Variants in MAST4 observed in about 807,000 individuals in gnomAD.
MAST4 encodes the protein microtubule-associated serine/threonine-protein kinase 4.
Under a neutral mutation model 162.7 loss-of-function variants are expected in MAST4, and 89 were observed. The ratio of observed to expected loss-of-function variants is 0.55; its 90% CI spans 0.46 to 0.65. The LOEUF (loss-of-function observed/expected upper bound fraction) is 0.65. MAST4 is among the 30% of genes least tolerant of loss of function. The pLI is 0.00. For missense variants in MAST4, 3,153 were observed against 3,374.0 expected (o/e 0.93, Z 1.62); for synonymous variants, 1,479 against 1,361.1 (o/e 1.09, Z -1.91).
In MAST4 at chr5:66,826,609, C is replaced by A. The variant is rs192841874; in HGVS notation, c.642+37815C>A. Among the ~76,000 whole-genome samples, 5 of 152,212 alleles carry A rather than the reference C, an allele frequency of 3.3e-5. No homozygotes were observed. The East Asian group carries it at 5.8e-4, about 18-fold the overall frequency. ...AACTGGTTTGTCCTCCCACCACCCC[C>A]CCCAATCCCCCGTCTCTTTCTCTGT... On this transcript the variant is annotated intron_variant, in intron 3 of 28. Transcript: ENST00000403625.
intron 26 of MAST4, among the ~76,000 whole-genome samples, chr5:67,156,624 G>T (rs1049334706): frequency 3.3e-5 from 5 of 152,206 alleles, no homozygotes; most frequent in East Asian, 1.9e-4. Context: ...TAGGCCAAAT[G>T]ATGAGGTGTG....
chr5:66,782,276 C>T (rs543849259), intron 2 of MAST4, among the ~76,000 whole-genome samples: 10 of 140,952 alleles, frequency 7.1e-5, no homozygotes, highest in East Asian at 2.0e-4. Context: ...GGGACAAGAG[C>T]GAGACTTCGT....
intron 3 of MAST4, among the ~76,000 whole-genome samples, chr5:66,850,128 T>C (rs1759197153): frequency 6.6e-6 from 1 of 152,192 alleles, no homozygotes; most frequent in Non-Finnish European, 1.5e-5. Flanking sequence ...AGAGTTCAAG[T>C]TTAGAGCTTT....
intron 1 of MAST4, among the ~76,000 whole-genome samples, chr5:66,710,016 A>G (rs1027800183): frequency 6.6e-6 from 1 of 152,202 alleles, no homozygotes; most frequent in Admixed American, 6.5e-5. Context: ...TCACAGTAAA[A>G]GGAGAGAGAA....
intron 4 of MAST4, among the ~76,000 whole-genome samples, chr5:66,949,091 G>A (rs1744372926): frequency 6.6e-6 from 1 of 152,076 alleles, no homozygotes; most frequent in African/African-American, 2.4e-5. Context: ...TTAAATTAAT[G>A]AATACATTAC....
At chr5:66,955,895 G>A (rs1182508479) in intron 4 of MAST4, among the ~76,000 whole-genome samples, 1 of 151,460 alleles carries the variant, frequency 6.6e-6, no homozygotes, top group Non-Finnish European at 1.5e-5. Context: ...GTGTGTGTTT[G>A]TTTATAGTTT....
intron 2 of MAST4, among the ~76,000 whole-genome samples, chr5:66,778,008 G>A (rs976372070): frequency 6.6e-6 from 1 of 152,138 alleles, no homozygotes; most frequent in African/African-American, 2.4e-5. Context: ...TTATATTTCA[G>A]TATGCGAATT....
intron 4 of MAST4, among the ~76,000 whole-genome samples, chr5:66,989,288 A>C (rs1178309230): frequency 1.3e-5 from 2 of 152,178 alleles, no homozygotes; most frequent in Admixed American, 1.3e-4. Context: ...CCTTGCTCAT[A>C]ATCAGGTTTA....
chr5:66,798,848 C>T (rs368809820), intron 3 of MAST4, among the ~76,000 whole-genome samples: 5 of 152,024 alleles, frequency 3.3e-5, no homozygotes, highest in Non-Finnish European at 5.9e-5. Flanking sequence ...TAGGTTTGTA[C>T]GGGTATTTCT....
chr5:67,163,705 G>T lies in MAST4; in HGVS notation c.4526G>T (p.Cys1509Phe), dbSNP rs373298531. 6 of 1,608,864 alleles carry T rather than the reference G, an allele frequency of 3.7e-6. No individual in the cohort carries two copies. The highest frequency in any genetic ancestry group is 5.1e-6 in the Non-Finnish European group (6 of 1,178,122). The change falls in exon 29 of 29, where the codon TGC (cysteine) becomes TTC (phenylalanine). Residue 1509 changes from cysteine (C) to phenylalanine (F), a missense_variant. By Grantham distance (205) the Cys-to-Phe change is radical. Coordinates refer to ENST00000403625, the MANE Select transcript of MAST4 (RefSeq NM_001164664.2). This position sits in a 1 kb window ranked among gnomAD's most constrained non-coding sequence, Gnocchi z 7.0. ...CGCGCCCGGCCAGTGGAGCAAGGCT[G>T]CCTGAAACGCCCAGTCTCCCGGAAG... is the stretch of plus-strand genomic sequence containing the variant. ...LSRARPVEQG[C>F]LKRPVSRKVG...
intron 3 of MAST4, among the ~76,000 whole-genome samples, chr5:66,874,704 T>C (rs16895768): frequency 0.18 from 27,305 of 152,070 alleles, 2,615 homozygotes; most frequent in Admixed American, 0.23. Context: ...GGCTTGAAAA[T>C]CTTTTATCCT....
intron 1 of MAST4, among the ~76,000 whole-genome samples, chr5:66,741,200 C>T: frequency 6.6e-6 from 1 of 152,158 alleles, no homozygotes; most frequent in Non-Finnish European, 1.5e-5. Flanking sequence ...TCAAATGCCC[C>T]CCTCTTCAGA....
At chr5:67,015,751 C>A (rs867471836) in intron 4 of MAST4, among the ~76,000 whole-genome samples, 1 of 152,116 alleles carries the variant, frequency 6.6e-6, no homozygotes, top group African/African-American at 2.4e-5. Context: ...GACGATTAAC[C>A]TCTGAAACAT....
intron 3 of MAST4, among the ~76,000 whole-genome samples, chr5:66,886,958 G>A (rs896623930): frequency 5.3e-5 from 8 of 151,928 alleles, no homozygotes; most frequent in Non-Finnish European, 1.0e-4. Flanking sequence ...GACTTTGAGG[G>A]AAGGATTCTG....
intron 1 of MAST4, among the ~76,000 whole-genome samples, chr5:66,718,187 T>G (rs1044912468): frequency 1.4e-5 from 2 of 146,040 alleles, no homozygotes; most frequent in African/African-American, 2.7e-5. Context: ...TTTTTTTTCT[T>G]TTTTTTTTGC....
intron 3 of MAST4, among the ~76,000 whole-genome samples, chr5:66,879,730 C>G (rs1161415629): frequency 3.9e-5 from 6 of 152,194 alleles, no homozygotes; most frequent in Admixed American, 2.6e-4. Flanking sequence ...CCAGGCTGGT[C>G]TCAAACTCCT....
At chr5:66,850,411 C>T (rs920723517) in intron 3 of MAST4, among the ~76,000 whole-genome samples, 2 of 152,152 alleles carry the variant, frequency 1.3e-5, no homozygotes, top group African/African-American at 4.8e-5. Flanking sequence ...TACACGTAGC[C>T]GATGCTTGAG....
In MAST4 at chr5:66,899,160, C is replaced by A. The variant is rs115856299; in HGVS notation, c.643-791C>A. ...TTGACAGCAAGTAATTATTCTTGAG[C>A]TTTGAAAACTTCATTAGTGGATAAG... On this transcript the variant is annotated intron_variant, in intron 3 of 28. Transcript: ENST00000403625. Among the ~76,000 whole-genome samples the A allele has an allele frequency of 5.4e-3, 823 of 152,292 alleles. 7 individuals carry two copies. The highest frequency in any genetic ancestry group is 0.019 in the African/African-American group (785 of 41,570).
chr5:67,118,805 A>G, intron 13 of MAST4, 56 bp downstream of exon 13: 1 of 1,031,462 alleles, frequency 9.7e-7, no homozygotes, highest in Non-Finnish European at 1.5e-6. Context: ...GCATCTGGAG[A>G]CTTTGGCTAT....
Sources: allele counts gnomAD v4.1 joint callset (sites outside exome capture counted in the v4.1 genomes callset), GRCh38; gene constraint gnomAD v4.1.1; non-coding constraint Gnocchi (gnomAD v3.1); transcripts MANE v1.5; gene names NCBI Gene and HGNC (gene_info 2026-07-23, HGNC 2026-07-21).